The following GPR155 variants were observed in gnomAD, a reference collection of about 807,000 sequenced individuals.
The protein encoded by GPR155 is G protein-coupled receptor 155, also known as lysosomal cholesterol signaling protein.
GPR155 carries 65 observed loss-of-function variants against 93.1 expected under a neutral mutation model. The ratio of observed to expected loss-of-function variants is 0.70; its 90% confidence interval spans 0.57 to 0.86. The LOEUF (loss-of-function observed/expected upper bound fraction) is 0.86. Ranked by LOEUF, GPR155 falls within the 40% of genes least tolerant of loss-of-function variation. GPR155 has a pLI of 0.00. For synonymous variants in GPR155, 319 were observed against 360.1 expected, an observed-to-expected ratio of 0.89 and a Z score of 1.29; for missense variants, 838 against 1,034.8, an observed-to-expected ratio of 0.81 and a Z score of 2.61.
intron 4 of GPR155, 70 bp from the exon 5 acceptor site, chr2:174,469,137 C>T (rs979994422): frequency 2.5e-5 from 33 of 1,330,554 alleles, no homozygotes; most frequent in Admixed American, 2.1e-4. Context: ...TAAATAACCA[C>T]GGCACACTAA....
Position 174,461,476 on chromosome 2 carries a change from C to T in GPR155, c.1486G>A (p.Val496Ile), listed in dbSNP as rs149844855. ...TTTCCAGTTATCAAAAGAACACCAA[C>T]AAGGAGAGCAGGAATTCTGTAATCA... ...ISGWGIPALLVGVLLITGKHN... is the reference protein window; with the variant it reads ...ISGWGIPALLIGVLLITGKHN... The change falls in exon 9 of 16, where the codon GTT (valine) becomes ATT (isoleucine). Residue 496 changes from valine to isoleucine, a missense_variant. Physicochemically the swap from Val to Ile is conservative, Grantham distance 29. Transcript: ENST00000392552. The T allele has an allele frequency of 9.4e-5, 151 of 1,612,432 alleles. No homozygotes were observed. The African/African-American group carries it at 1.9e-3, about 20-fold the overall frequency.
chr2:174,459,926 C>A lies in GPR155; in HGVS notation c.1723G>T (p.Ala575Ser). Reference protein sequence around the residue: ...PGNTAFEESPAPVNEPELFTS... With the variant: ...PGNTAFEESPSPVNEPELFTS... ...AAAAGTTCTGGTTCATTTACTGGTG[C>A]TGGACTCTCCTCAAAAGCAGTATTT... The change falls in exon 10 of 16, where the codon GCA (alanine) becomes TCA (serine). Residue 575 changes from alanine to serine, a missense_variant. Physicochemically the swap from Ala to Ser is moderately conservative, Grantham distance 99. Coordinates refer to ENST00000392552, the MANE Select transcript of GPR155 (RefSeq NM_152529.7). 6.2e-7 allele frequency: 1 copy of A among 1,613,998 alleles called. No individual in the cohort carries two copies. Among genetic ancestry groups the A allele is most frequent in the Non-Finnish European group, 8.5e-7 (1 of 1,179,914 alleles).
rs543178119 is a variant in GPR155 at position 174,461,499 on chromosome 2, TC to T, written c.1470-8del. ...AACAAGGAGAGCAGGAATTCTGTAA[TC>T]ACAAGTGATATTGGGAGAGAAAAAG... On this transcript the variant is annotated splice_region_variant and splice_polypyrimidine_tract_variant and intron_variant, in intron 8 of 15. Transcript: ENST00000392552. The T allele has an allele frequency of 7.5e-5, 120 of 1,604,194 alleles. No homozygotes were observed. The African/African-American group carries it at 1.4e-3, about 18-fold the overall frequency.
chr2:174,465,652 T>C (rs537173483), intron 7 of GPR155, 133 bp downstream of exon 7: 12 of 530,362 alleles, frequency 2.3e-5, no homozygotes, highest in Non-Finnish European at 2.8e-5. Context: ...CCTCTGTGGG[T>C]GGGCTGATCT....
In GPR155 at chr2:174,461,485, C is replaced by A. The variant is rs768888515; in HGVS notation, c.1477G>T (p.Ala493Ser). The A allele has an allele frequency of 1.2e-6, 2 of 1,610,886 alleles. No homozygotes were observed. Among genetic ancestry groups the A allele is most frequent in the South Asian group, 1.1e-5 (1 of 90,994 alleles). Reference sequence around the variant, plus strand: ...ATCAAAAGAACACCAACAAGGAGAGCAGGAATTCTGTAATCACAAGTGATA... The same window carrying A: ...ATCAAAAGAACACCAACAAGGAGAGAAGGAATTCTGTAATCACAAGTGATA... ...IIIISGWGIP[A>S]LLVGVLLITG... The change falls in exon 9 of 16, where the codon GCT becomes TCT. Residue 493 changes from alanine to serine, a missense_variant. Physicochemically the swap from Ala to Ser is moderately conservative, Grantham distance 99. Around this residue, in one of 3 missense-constraint regions of GPR155, gnomAD observed 663 missense variants for 790.1 expected, o/e 0.84. Coordinates refer to ENST00000392552, the MANE Select transcript of GPR155 (RefSeq NM_152529.7).
chr2:174,450,057 G>A (rs1012871227), intron 11 of GPR155, among the ~76,000 whole-genome samples: 2 of 151,660 alleles, frequency 1.3e-5, no homozygotes, highest in Non-Finnish European at 2.9e-5. Context: ...GAGGTGGGAT[G>A]ATGGCTTGAG....
chr2:174,481,250 C>T (rs963697809), intron 2 of GPR155, among the ~76,000 whole-genome samples: 2 of 151,832 alleles, frequency 1.3e-5, no homozygotes, highest in Non-Finnish European at 2.9e-5. Context: ...TATGTGCTTA[C>T]CGGGAAGAAA....
rs576933210 is a variant in GPR155 at position 174,438,462 on chromosome 2, C to T, written c.2312+1436G>A. 6.6e-5 allele frequency among the ~76,000 whole-genome samples: 10 copies of T among 152,272 alleles called. No individual in the cohort carries two copies. The East Asian group carries it at 1.5e-3, about 23-fold the overall frequency. ...TCACACTGGGCCTCAAAGAGCTAAC[C>T]CGGAGTTCTCTTTTTTAATTTTAAA... On this transcript the variant is annotated intron_variant, in intron 15 of 15. Coordinates refer to ENST00000392552, the MANE Select transcript of GPR155 (RefSeq NM_152529.7).
chr2:174,445,058 C>T (rs1195222276), intron 13 of GPR155, 23 bp downstream of exon 13: 2 of 1,260,504 alleles, frequency 1.6e-6, no homozygotes, highest in Admixed American at 3.4e-5. Context: ...AAAAACCCCT[C>T]AAAGTTCTCC....
At chr2:174,462,049 C>A (rs369336115) in intron 7 of GPR155, among the ~76,000 whole-genome samples, 2 of 152,172 alleles carry the variant, frequency 1.3e-5, no homozygotes, top group South Asian at 2.1e-4. Context: ...GATCCTTCCA[C>A]CTCAGCCTCC....
chr2:174,439,323 G>C (rs142110734), intron 15 of GPR155, among the ~76,000 whole-genome samples: 1 of 151,928 alleles, frequency 6.6e-6, no homozygotes, highest in South Asian at 2.1e-4. Flanking sequence ...ATTTCCTGCT[G>C]TATACTTCGT....
chr2:174,437,165 A>G (rs532425905), intron 15 of GPR155, among the ~76,000 whole-genome samples: 1 of 152,206 alleles, frequency 6.6e-6, no homozygotes, highest in Admixed American at 6.5e-5. Context: ...ACAGGGAAAA[A>G]AATCCAATTA....
In GPR155 at chr2:174,440,178, C is replaced by A. The variant is rs1252467962; in HGVS notation, c.2175-143G>T. On this transcript the variant is annotated intron_variant, in intron 14 of 15. Coordinates refer to ENST00000392552, the MANE Select transcript of GPR155 (RefSeq NM_152529.7). Reference sequence around the variant, plus strand: ...TCTACAATACCCAGACATCGTTAGTCTCAGAAGCAAAAACATTCTACATTC... The same window carrying A: ...TCTACAATACCCAGACATCGTTAGTATCAGAAGCAAAAACATTCTACATTC... 20 of 614,546 alleles carry A rather than the reference C, an allele frequency of 3.3e-5. No homozygotes were observed. The South Asian group carries it at 3.7e-4, about 11-fold the overall frequency. 38.1% of individuals were successfully genotyped at this position (614,546 alleles called of 1,614,324 possible). A position where few individuals can be genotyped will look rare whatever the true frequency, so the allele number is the denominator to read the frequency against.
At chr2:174,475,350 GAT>G (rs1688135229) in intron 2 of GPR155, among the ~76,000 whole-genome samples, 1 of 116,350 alleles carries the variant, frequency 8.6e-6, no homozygotes, top group Admixed American at 8.4e-5. Context: ...TTTACACTAA[GAT>G]AAAATGATAT....
At chr2:174,459,188 A>G (rs1687608475) in intron 10 of GPR155, among the ~76,000 whole-genome samples, 1 of 152,234 alleles carries the variant, frequency 6.6e-6, no homozygotes, top group Non-Finnish European at 1.5e-5. Flanking sequence ...AGTTTGCCCA[A>G]AACTGACTTA....
intron 11 of GPR155, among the ~76,000 whole-genome samples, chr2:174,447,590 A>C (rs1687178687): frequency 6.8e-6 from 1 of 146,126 alleles, no homozygotes; most frequent in Non-Finnish European, 1.5e-5. Context: ...TATATAAATA[A>C]AAATTTTATA....
intron 6 of GPR155, 110 bp downstream of exon 6, chr2:174,466,434 G>T: frequency 1.5e-6 from 1 of 678,972 alleles, no homozygotes; most frequent in Non-Finnish European, 2.6e-6. Context: ...ACTGCATTTG[G>T]TAATACTTCT....
chr2:174,460,341 T>C (rs1412553740), intron 9 of GPR155, among the ~76,000 whole-genome samples: 3 of 151,748 alleles, frequency 2.0e-5, no homozygotes, highest in African/African-American at 7.3e-5. Flanking sequence ...TTTTGTATTT[T>C]TTAGTAGAGA....
intron 11 of GPR155, among the ~76,000 whole-genome samples, chr2:174,449,203 G>A (rs1000831278): frequency 6.6e-6 from 1 of 152,084 alleles, no homozygotes; most frequent in Admixed American, 6.5e-5. Context: ...CAGTCAGAAG[G>A]GCTATTATTA....
Sources: allele counts gnomAD v4.1 joint callset (sites outside exome capture counted in the v4.1 genomes callset), GRCh38; gene constraint gnomAD v4.1.1; regional missense constraint gnomAD v4.1.1; transcripts MANE v1.5; gene names NCBI Gene and HGNC (gene_info 2026-07-23, HGNC 2026-07-21).